Variants in MYCBP2 observed in about 807,000 individuals in gnomAD.
MYCBP2 encodes MYC binding protein 2, also known as E3 ubiquitin-protein ligase MYCBP2.
In MYCBP2, 120 loss-of-function variants were observed where a neutral mutation model predicts 525.3. The observed-to-expected ratio is 0.23, with a 90% CI of 0.20 to 0.27. The LOEUF (loss-of-function observed/expected upper bound fraction) is 0.27, where lower values mean the gene tolerates loss of function less well. MYCBP2 is among the 10% of genes least tolerant of loss of function. The pLI, the probability that MYCBP2 is intolerant of heterozygous loss-of-function variation, is 1.00. For synonymous variants in MYCBP2, 1,894 were observed against 1,955.8 expected (o/e 0.97, Z 0.83); for missense variants, 4,149 against 5,657.1 (o/e 0.73, Z 8.55).
At chr13:77,066,239 T>C in intron 71 of MYCBP2, 151 bp from the exon 72 acceptor site, 1 of 595,634 alleles carries the variant, frequency 1.7e-6, no homozygotes, top group Non-Finnish European at 2.9e-6. Flanking sequence ...CATCAAACCA[T>C]TACCCCAAAT....
intron 4 of MYCBP2, among the ~76,000 whole-genome samples, chr13:77,278,019 A>C (rs1311377271): frequency 6.6e-6 from 1 of 152,234 alleles, no homozygotes; most frequent in Non-Finnish European, 1.5e-5. Flanking sequence ...GAAAGGCAAG[A>C]ATCGGAACAT....
intron 8 of MYCBP2, among the ~76,000 whole-genome samples, chr13:77,265,043 G>C (rs959160112): frequency 2.0e-5 from 3 of 151,944 alleles, no homozygotes; most frequent in Admixed American, 6.6e-5. Flanking sequence ...CGAATAAGCT[G>C]GATTATTCTT....
chr13:77,252,319 A>G (rs2071354033), intron 14 of MYCBP2, among the ~76,000 whole-genome samples: 1 of 152,212 alleles, frequency 6.6e-6, no homozygotes, highest in Non-Finnish European at 1.5e-5. Context: ...AGAGGGCTAT[A>G]TAAAAAAATG....
intron 52 of MYCBP2, among the ~76,000 whole-genome samples, chr13:77,135,626 C>T (rs1043682662): frequency 6.6e-6 from 1 of 152,112 alleles, no homozygotes; most frequent in African/African-American, 2.4e-5. Flanking sequence ...TGTTTAGAGC[C>T]CTATGCCAAT....
intron 54 of MYCBP2, among the ~76,000 whole-genome samples, chr13:77,122,099 C>T (rs1253456443): frequency 6.6e-6 from 1 of 151,624 alleles, no homozygotes; most frequent in Non-Finnish European, 1.5e-5. Flanking sequence ...TTATTTCAAG[C>T]AGAAAATGGC....
At chr13:77,174,775 G>A (rs2059450685) in intron 36 of MYCBP2, among the ~76,000 whole-genome samples, 1 of 148,284 alleles carries the variant, frequency 6.7e-6, no homozygotes, top group Non-Finnish European at 1.5e-5. Context: ...TGAGGAATCT[G>A]AGGTTCAGAG....
chr13:77,180,404 C>G (rs1019629554), intron 33 of MYCBP2, 86 bp from the exon 34 acceptor site: 2 of 1,160,490 alleles, frequency 1.7e-6, no homozygotes, highest in Non-Finnish European at 2.5e-6. Context: ...CTTTCTGATA[C>G]TCTTAAAATT....
At chr13:77,157,375 C>T (rs2057340460) in intron 45 of MYCBP2, among the ~76,000 whole-genome samples, 1 of 152,198 alleles carries the variant, frequency 6.6e-6, no homozygotes, top group African/African-American at 2.4e-5. Context: ...AGGAGTGTGC[C>T]ACCATGCCTG....
intron 51 of MYCBP2, among the ~76,000 whole-genome samples, chr13:77,139,839 G>A (rs1177235948): frequency 6.6e-6 from 1 of 152,062 alleles, no homozygotes; most frequent in Non-Finnish European, 1.5e-5. Context: ...TTCTTTTCAT[G>A]TTCAAAATAT....
Position 77,278,862 on chromosome 13 carries a change from C to T in MYCBP2, c.644G>A (p.Arg215Gln), listed in dbSNP as rs1220717411. ...GAGACACAGGGATGGATGAGAAAAT[C>T]GTGTCTCTTTGATCAATTCAAAAAC... Reference protein sequence around the residue: ...CEVFELIKETRFSHPSLCLRS... With the variant: ...CEVFELIKETQFSHPSLCLRS... Residue 215 changes from arginine (R) to glutamine (Q), a missense_variant, in exon 4 of 83, where the codon CGA (arginine) becomes CAA (glutamine). This residue lies in a region of MYCBP2 where 413 missense variants were observed against 451.2 expected (regional missense o/e 0.92). Coordinates refer to ENST00000544440, the MANE Select transcript of MYCBP2 (RefSeq NM_015057.5). 8.1e-6 allele frequency: 13 copies of T among 1,596,902 alleles called. No homozygotes were observed. The South Asian group carries it at 1.0e-4, about 12-fold the overall frequency.
Position 77,233,536 on chromosome 13 carries a change from A to C in MYCBP2, c.2630-273T>G, listed in dbSNP as rs927336399. 4.0e-5 allele frequency among the ~76,000 whole-genome samples: 6 copies of C among 151,654 alleles called. No individual in the cohort carries two copies. The East Asian group carries it at 1.2e-3, about 30-fold the overall frequency. ...TTATTGTGTAGTTACTAATAGTCTCAAATAGATAATCAAGAAGTTCAATTT... is the reference window on the plus strand; with the variant it reads ...TTATTGTGTAGTTACTAATAGTCTCCAATAGATAATCAAGAAGTTCAATTT... On this transcript the variant is annotated intron_variant, in intron 17 of 82. Coordinates refer to ENST00000544440, the MANE Select transcript of MYCBP2 (RefSeq NM_015057.5).
In MYCBP2 at chr13:77,278,321, C is replaced by G. The variant is rs150689990; in HGVS notation, c.748+437G>C. Among the ~76,000 whole-genome samples, 236 of 152,212 alleles carry G rather than the reference C, an allele frequency of 1.6e-3. 1 individual carries two copies. The highest frequency in any genetic ancestry group is 5.5e-3 in the African/African-American group (227 of 41,536). On this transcript the variant is annotated intron_variant, in intron 4 of 82. Coordinates refer to ENST00000544440, the MANE Select transcript of MYCBP2 (RefSeq NM_015057.5). ...AAGGTTTGAGGATTATTTCTGGATTCCAGGGATTTATGTTTTGTTTGCCCC... is the reference window on the plus strand; with the variant it reads ...AAGGTTTGAGGATTATTTCTGGATTGCAGGGATTTATGTTTTGTTTGCCCC...
chr13:77,150,668 C>T, intron 47 of MYCBP2, 66 bp downstream of exon 47: 1 of 1,343,684 alleles, frequency 7.4e-7, no homozygotes, highest in East Asian at 2.3e-5. Flanking sequence ...ATCTGAATCA[C>T]TGAAATGTTG....
intron 17 of MYCBP2, among the ~76,000 whole-genome samples, chr13:77,235,972 T>C (rs1283007875): frequency 6.6e-6 from 1 of 152,176 alleles, no homozygotes; most frequent in Non-Finnish European, 1.5e-5. Context: ...GATAAAAGTA[T>C]ATCCTTCATC....
Position 77,144,438 on chromosome 13 carries a change from A to T in MYCBP2, c.7303+7T>A. ...TAAGTAGTAGCTCATGGCTTTAAAG[A>T]AAATACCGATTTCAATGCCATCAAT... On this transcript the variant is annotated splice_region_variant and intron_variant, in intron 49 of 82. Coordinates refer to ENST00000544440, the MANE Select transcript of MYCBP2 (RefSeq NM_015057.5). 1 of 1,591,598 alleles carries T rather than the reference A, an allele frequency of 6.3e-7. No individual in the cohort carries two copies. Among genetic ancestry groups the T allele is most frequent in the Non-Finnish European group, 8.6e-7 (1 of 1,160,098 alleles).
At chr13:77,234,659 T>C (rs1193846833) in intron 17 of MYCBP2, among the ~76,000 whole-genome samples, 1 of 152,052 alleles carries the variant, frequency 6.6e-6, no homozygotes, top group Non-Finnish European at 1.5e-5. Flanking sequence ...GCTAAGGTTA[T>C]GTAAACTGAG....
chr13:77,103,407 G>A (rs2047373980), intron 55 of MYCBP2: 6 of 394,310 alleles, frequency 1.5e-5, no homozygotes, highest in Non-Finnish European at 2.7e-5. Context: ...CAAATGGTAT[G>A]CAAGTATAAA....
intron 52 of MYCBP2, among the ~76,000 whole-genome samples, chr13:77,126,880 T>C (rs868127408): frequency 2.0e-4 from 31 of 152,116 alleles, no homozygotes; most frequent in Middle Eastern, 3.2e-3. Flanking sequence ...TACTATACTA[T>C]GTGAACCACA....
chr13:77,290,471 T>C (rs997406534), intron 2 of MYCBP2, among the ~76,000 whole-genome samples: 1 of 152,224 alleles, frequency 6.6e-6, no homozygotes, highest in Non-Finnish European at 1.5e-5. Context: ...TCAGATATCT[T>C]TTAATGGGTA....
Sources: gnomAD v4.1 joint callset for allele counts (sites outside exome capture counted in the v4.1 genomes callset) on GRCh38, gnomAD v4.1.1 for gene constraint, gnomAD v4.1.1 regional missense constraint, MANE v1.5 for transcripts, NCBI Gene and HGNC (gene_info 2026-07-23, HGNC 2026-07-21) for gene names.